DOCK3: variants seen among roughly 807,000 people sequenced by gnomAD.
DOCK3 encodes the protein dedicator of cytokinesis 3.
A neutral mutation model predicts 265.6 loss-of-function variants in DOCK3; 60 were observed. That is an observed-to-expected ratio of 0.23 (90% confidence interval 0.18 to 0.28). The LOEUF (loss-of-function observed/expected upper bound fraction) is 0.28, where lower values mean the gene tolerates loss of function less well. Ranked by LOEUF, DOCK3 falls within the 10% of genes least tolerant of loss-of-function variation. The probability of loss-of-function intolerance (pLI) is 1.00; values close to 1 mark genes in which losing one functional copy is unlikely to be tolerated. For missense variants in DOCK3, 1,981 were observed against 2,594.3 expected (o/e 0.76, Z 5.14); for synonymous variants, 881 against 938.0 (o/e 0.94, Z 1.11).
At chr3:51,053,120 T>TATATATATATATAA (rs1684450140) in intron 5 of DOCK3, among the ~76,000 whole-genome samples, 1 of 123,404 alleles carries the variant, frequency 8.1e-6, no homozygotes. Flanking sequence ...TATATATATA[T>TATATATATATATAA]ATGGATTTTA....
At chr3:50,775,224 T>G (rs1459472622) in intron 1 of DOCK3, among the ~76,000 whole-genome samples, 1 of 152,078 alleles carries the variant, frequency 6.6e-6, no homozygotes. Context: ...TTTCGACAGA[T>G]TCACTGATAA....
At chr3:51,145,581 A>G (rs967554925) in intron 9 of DOCK3, among the ~76,000 whole-genome samples, 2 of 152,192 alleles carry the variant, frequency 1.3e-5, no homozygotes, top group Non-Finnish European at 2.9e-5. Flanking sequence ...TTCTTAAAAC[A>G]TCGTGAGATT....
At chr3:51,311,568 T>A (rs113687391) in intron 28 of DOCK3, among the ~76,000 whole-genome samples, 2,044 of 152,344 alleles carry the variant, frequency 0.013, 55 homozygotes, top group African/African-American at 0.045. Flanking sequence ...TTATCCAGTA[T>A]AATAATAAAA....
At chr3:50,953,097 G>C (rs2076636844) in intron 5 of DOCK3, among the ~76,000 whole-genome samples, 1 of 151,966 alleles carries the variant, frequency 6.6e-6, no homozygotes, top group South Asian at 2.1e-4. Flanking sequence ...GTTGATGCAT[G>C]TTGTTTTCTT....
chr3:50,702,597 G>T (rs1434681653), intron 1 of DOCK3, among the ~76,000 whole-genome samples: 1 of 152,098 alleles, frequency 6.6e-6, no homozygotes, highest in East Asian at 1.9e-4. Context: ...TCGATCTCCT[G>T]ACCTCAAGCT....
At chr3:51,085,046 A>AAATGGACTTTAC (rs1422692191) in intron 7 of DOCK3, among the ~76,000 whole-genome samples, 1 of 152,234 alleles carries the variant, frequency 6.6e-6, no homozygotes, top group Non-Finnish European at 1.5e-5. Flanking sequence ...ATATCAGAGA[A>AAATGGACTTTAC]AATGGACTTT....
chr3:50,786,636 A>G (rs2042197650), intron 2 of DOCK3: 1 of 593,380 alleles, frequency 1.7e-6, no homozygotes, highest in South Asian at 1.6e-5. Context: ...TTTATGATTT[A>G]AAGTTGTCCT....
chr3:51,253,264 C>T (rs112263064), intron 22 of DOCK3, among the ~76,000 whole-genome samples: 2,367 of 152,264 alleles, frequency 0.016, 54 homozygotes, highest in African/African-American at 0.053. Context: ...ATTCAGTTTG[C>T]TAGTATTTTA....
At chr3:50,970,886 AATTTTTATATAT>A (rs2077182203) in intron 5 of DOCK3, among the ~76,000 whole-genome samples, 2 of 37,082 alleles carry the variant, frequency 5.4e-5, no homozygotes, top group South Asian at 1.1e-3. Context: ...ACACTCATCT[AATTTTTATATAT>A]ATATATATAT....
chr3:50,695,884 G>C (rs1032632190), intron 1 of DOCK3, among the ~76,000 whole-genome samples: 4 of 152,236 alleles, frequency 2.6e-5, no homozygotes, highest in South Asian at 2.1e-4. Context: ...TTCTGAGCCA[G>C]AGTAGGCTCA....
intron 5 of DOCK3, among the ~76,000 whole-genome samples, chr3:50,947,056 G>A (rs1428955229): frequency 6.6e-6 from 1 of 151,894 alleles, no homozygotes; most frequent in Non-Finnish European, 1.5e-5. Flanking sequence ...ATGTCACTGA[G>A]GAATAGTGAA....
chr3:50,803,705 C>A (rs2108693519), intron 2 of DOCK3, among the ~76,000 whole-genome samples: 1 of 151,878 alleles, frequency 6.6e-6, no homozygotes, highest in Non-Finnish European at 1.5e-5. Context: ...GGGGGCTGCC[C>A]CCCACCTCCC....
At chr3:50,746,929 A>C (rs1243425814) in intron 1 of DOCK3, among the ~76,000 whole-genome samples, 2 of 152,028 alleles carry the variant, frequency 1.3e-5, no homozygotes, top group African/African-American at 4.8e-5. Flanking sequence ...ATTTGGAGGG[A>C]ACAGACATCC....
intron 22 of DOCK3, among the ~76,000 whole-genome samples, chr3:51,251,698 G>A (rs899057347): frequency 1.9e-4 from 29 of 152,092 alleles, no homozygotes; most frequent in East Asian, 5.8e-4. Context: ...CATATCCTTC[G>A]CCCACTTTTT....
intron 9 of DOCK3, among the ~76,000 whole-genome samples, chr3:51,111,392 A>G (rs542915264): frequency 8.5e-5 from 13 of 152,356 alleles, no homozygotes; most frequent in Non-Finnish European, 1.6e-4. Flanking sequence ...CACATAGACC[A>G]GTGGAACAGA....
chr3:51,214,037 C>T, intron 13 of DOCK3, 85 bp from the exon 14 acceptor site: 1 of 1,575,668 alleles, frequency 6.3e-7, no homozygotes, highest in Non-Finnish European at 8.6e-7. Context: ...TGCACATTTT[C>T]TTCTGGAAAA....
intron 5 of DOCK3, among the ~76,000 whole-genome samples, chr3:50,946,464 T>C (rs988204409): frequency 3.3e-5 from 5 of 152,234 alleles, no homozygotes; most frequent in Admixed American, 6.5e-5. Flanking sequence ...TAACTTTTAG[T>C]GTATTTCATC....
At position 51,333,059 on chromosome 3, in the gene DOCK3, C is replaced by T. The variant is rs1218599843; in HGVS notation, c.3515+32C>T. 4 of 1,613,946 alleles carry T rather than the reference C, an allele frequency of 2.5e-6. No individual in the cohort carries two copies. The East Asian group carries it at 8.9e-5, about 36-fold the overall frequency. ...CTGCAGTGTGGTAAGTCTGCTGTCT[C>T]CAGATCCATCACAGCCTCCATGGGC... On this transcript the variant is annotated intron_variant, in intron 34 of 52. Coordinates refer to ENST00000266037, the MANE Select transcript of DOCK3 (RefSeq NM_004947.5).
chr3:50,814,747 T>G (rs1350094286), intron 2 of DOCK3, among the ~76,000 whole-genome samples: 2 of 152,172 alleles, frequency 1.3e-5, no homozygotes, highest in African/African-American at 4.8e-5. Flanking sequence ...AGAAGTCAAA[T>G]TTTTTTAGTT....
Sources: gnomAD v4.1 joint callset for allele counts (sites outside exome capture counted in the v4.1 genomes callset) on GRCh38, gnomAD v4.1.1 for gene constraint, MANE v1.5 for transcripts, NCBI Gene and HGNC (gene_info 2026-07-23, HGNC 2026-07-21) for gene names.